Variants in PCDHA5 observed in about 807,000 individuals in gnomAD.
The protein encoded by PCDHA5 is protocadherin alpha 5.
In PCDHA5, 43 loss-of-function variants were observed where a neutral mutation model predicts 61.6. That is an observed-to-expected ratio of 0.70 (90% confidence interval 0.55 to 0.90). PCDHA5 has a LOEUF of 0.90. Ranked by LOEUF, PCDHA5 falls within the 40% of genes least tolerant of loss-of-function variation. PCDHA5 has a pLI of 0.00. For missense variants in PCDHA5, 1,298 were observed against 1,222.7 expected (o/e 1.06, Z -0.92); for synonymous variants, 627 against 543.9 (o/e 1.15, Z -2.13).
chr5:140,869,293 T>C, intron 1 of PCDHA5: 2 of 1,613,604 alleles, frequency 1.2e-6, no homozygotes, highest in African/African-American at 1.3e-5. Flanking sequence ...GCAGCGCCTG[T>C]TCCGGGTGGC....
chr5:140,843,329 G>A, intron 1 of PCDHA5: 3 of 1,596,060 alleles, frequency 1.9e-6, no homozygotes, highest in Non-Finnish European at 2.6e-6. Flanking sequence ...GGTGTCGCTG[G>A]TGGAGAGCGG....
intron 3 of PCDHA5, among the ~76,000 whole-genome samples, chr5:141,000,510 C>G (rs1197965439): frequency 5.6e-5 from 8 of 143,864 alleles, no homozygotes; most frequent in South Asian, 4.5e-4. Context: ...TCACTGCAAC[C>G]TCCTTCTCCA....
At chr5:140,828,262 G>A in intron 1 of PCDHA5, 2 of 1,614,018 alleles carry the variant, frequency 1.2e-6, no homozygotes, top group Non-Finnish European at 8.5e-7. Context: ...TGGAGCTGGC[G>A]GAGCTGGTGC....
In PCDHA5 at chr5:140,835,502, C is replaced by A. The variant is rs139807581; in HGVS notation, c.2352+11375C>A. The stretch of plus-strand genomic sequence containing the variant: ...CAGGTACCGTCATCACATTGATTAG[C>A]GTGTTTGACCGAGATTTTGGAGTCA... On this transcript the variant is annotated intron_variant, in intron 1 of 3. Transcript: ENST00000529859. 2.5e-6 allele frequency: 4 copies of A among 1,613,806 alleles called. No homozygotes were observed. The highest frequency in any genetic ancestry group is 1.7e-5 in the Admixed American group (1 of 59,986).
chr5:140,971,332 A>G (rs1229650076), intron 1 of PCDHA5, among the ~76,000 whole-genome samples: 3 of 152,242 alleles, frequency 2.0e-5, no homozygotes, highest in Non-Finnish European at 4.4e-5. Context: ...AAATTATTTC[A>G]GAAAGTGCTT....
chr5:140,875,335 C>A, intron 1 of PCDHA5: 2 of 1,438,768 alleles, frequency 1.4e-6, no homozygotes, highest in East Asian at 2.5e-5. Context: ...GGAATAGGAT[C>A]GACTCCATAA....
chr5:140,827,986 AATG>A, intron 1 of PCDHA5: 1 of 1,456,760 alleles, frequency 6.9e-7, no homozygotes, highest in Non-Finnish European at 9.2e-7. Context: ...CTGACTGTTG[AATG>A]ATGGCGGACG....
chr5:140,880,851 A>T lies in PCDHA5; in HGVS notation c.2352+56724A>T, dbSNP rs577713176. 2.0e-5 allele frequency among the ~76,000 whole-genome samples: 3 copies of T among 152,322 alleles called. No individual in the cohort carries two copies. In the South Asian group the frequency reaches 6.2e-4, roughly 32 times the overall value. On this transcript the variant is annotated intron_variant, in intron 1 of 3. Coordinates refer to ENST00000529859, the MANE Select transcript of PCDHA5 (RefSeq NM_018908.3). The stretch of plus-strand genomic sequence containing the variant: ...GCATATTTTAAATGGTTGACTATGT[A>T]GTCTAATTATGTGAAGAGGTAAATA...
chr5:140,900,022 T>C (rs1554188836), intron 1 of PCDHA5, among the ~76,000 whole-genome samples: 1 of 152,044 alleles, frequency 6.6e-6, no homozygotes, highest in African/African-American at 2.4e-5. Flanking sequence ...GTTACCCAGT[T>C]TGGCCTTGAA....
Position 141,010,239 on chromosome 5 carries a change from G to A in PCDHA5, c.*302G>A. ...AGGCTTCCCAGCCCCGCCAGTGAGA[G>A]GTTGGACTCTCTGCCCTGTGCTCCG... On this transcript the variant is annotated 3_prime_UTR_variant, in exon 4 of 4. Transcript: ENST00000529859. 1 of 1,551,938 alleles carries A rather than the reference G, an allele frequency of 6.4e-7. No homozygotes were observed. Among genetic ancestry groups the A allele is most frequent in the Non-Finnish European group, 8.7e-7 (1 of 1,147,044 alleles).
At chr5:140,881,325 A>G in intron 1 of PCDHA5, 4 of 984,454 alleles carry the variant, frequency 4.1e-6, no homozygotes, top group Non-Finnish European at 4.8e-6. Flanking sequence ...ATTCTATTTA[A>G]CCAGGACGCC....
chr5:140,966,726 C>T, intron 1 of PCDHA5: 3 of 1,402,206 alleles, frequency 2.1e-6, no homozygotes, highest in Non-Finnish European at 1.8e-6. Flanking sequence ...GAAGCTGCCG[C>T]CTCCGGCCCT....
chr5:140,853,678 AC>A, intron 1 of PCDHA5: 1 of 988,418 alleles, frequency 1.0e-6, no homozygotes, highest in Non-Finnish European at 1.2e-6. Context: ...CCTATGGTCA[AC>A]CTATCCTTAG....
At chr5:140,869,609 C>T (rs1554163287) in intron 1 of PCDHA5, 1 of 1,613,972 alleles carries the variant, frequency 6.2e-7, no homozygotes, top group Non-Finnish European at 8.5e-7. Flanking sequence ...GCTCTATTGA[C>T]CTACAGGCTA....
chr5:140,879,564 A>G (rs1232052888), intron 1 of PCDHA5, among the ~76,000 whole-genome samples: 2 of 152,254 alleles, frequency 1.3e-5, no homozygotes, highest in Non-Finnish European at 1.5e-5. Context: ...CCATGAAAGA[A>G]TAAAATTGCC....
At chr5:140,907,092 G>C (rs1381969899) in intron 1 of PCDHA5, among the ~76,000 whole-genome samples, 4 of 152,262 alleles carry the variant, frequency 2.6e-5, no homozygotes, top group African/African-American at 9.6e-5. Context: ...GGTAAGTGGT[G>C]CCACTTCCAC....
At chr5:140,862,662 C>T in intron 1 of PCDHA5, 1 of 546,862 alleles carries the variant, frequency 1.8e-6, no homozygotes, top group Non-Finnish European at 3.7e-6. Context: ...GGGACCGGGA[C>T]GCGCAGGAGA....
chr5:140,957,322 A>G (rs1356606026), intron 1 of PCDHA5, among the ~76,000 whole-genome samples: 4 of 152,202 alleles, frequency 2.6e-5, no homozygotes, highest in Admixed American at 2.0e-4. Context: ...AGGTGAGCAC[A>G]GTACAGTAAG....
chr5:140,876,029 A>C, intron 1 of PCDHA5: 1 of 1,613,700 alleles, frequency 6.2e-7, no homozygotes, highest in Non-Finnish European at 8.5e-7. Context: ...AAAACAAAAA[A>C]AGATAAAAGT....
Sources: allele counts gnomAD v4.1 joint callset (sites outside exome capture counted in the v4.1 genomes callset), GRCh38; gene constraint gnomAD v4.1.1; transcripts MANE v1.5; gene names NCBI Gene and HGNC (gene_info 2026-07-23, HGNC 2026-07-21).